Variants in SHROOM4 observed in about 807,000 individuals in gnomAD.
SHROOM4 encodes the protein shroom family member 4.
A neutral mutation model predicts 80.3 loss-of-function variants in SHROOM4; 17 were observed. The observed-to-expected ratio is 0.21, with a 90% CI of 0.14 to 0.32. The LOEUF (loss-of-function observed/expected upper bound fraction) is 0.32, where lower values mean the gene tolerates loss of function less well. Among genes scored for constraint, SHROOM4 ranks in the 10% least tolerant of loss-of-function variants. SHROOM4 has a pLI of 1.00. For missense variants in SHROOM4, 993 were observed against 1,140.3 expected (o/e 0.87, Z 1.86); for synonymous variants, 400 against 437.5 (o/e 0.91, Z 1.07).
chrX:50,721,439 A>G (rs978909042), intron 1 of SHROOM4, among the ~76,000 whole-genome samples: 1 of 112,199 alleles, frequency 8.9e-6, no homozygotes, highest in Non-Finnish European at 1.9e-5. Flanking sequence ...ATACAGGATA[A>G]TGTCCTGATG....
intron 1 of SHROOM4, among the ~76,000 whole-genome samples, chrX:50,729,320 GAGAC>G (rs1286330865): frequency 9.0e-6 from 1 of 111,373 alleles, no homozygotes; most frequent in Non-Finnish European, 1.9e-5. Flanking sequence ...AATAGAAAAA[GAGAC>G]AGAAATTATA....
chrX:50,673,033 G>A (rs928555327), intron 2 of SHROOM4, among the ~76,000 whole-genome samples: 21 of 111,224 alleles, frequency 1.9e-4, no homozygotes, highest in African/African-American at 6.2e-4. Context: ...TTAAAAGTAC[G>A]GCTAAAGGAA....
intron 7 of SHROOM4, 121 bp downstream of exon 7, chrX:50,602,512 T>C: frequency 2.8e-6 from 2 of 704,684 alleles, no homozygotes; most frequent in Non-Finnish European, 4.5e-6. Context: ...AGAGGCTGTA[T>C]GGTTTCCATA....
In SHROOM4 at chrX:50,589,042, C is replaced by T. The variant is rs1038584568; in HGVS notation, c.*7653G>A. ...TTGCCCCTCCTTCCCAATAGTAGTC[C>T]CTCCCATCTCTCTTATTTTTGCTGA... On this transcript the variant is annotated 3_prime_UTR_variant, in exon 9 of 9. Transcript: ENST00000376020. Among the ~76,000 whole-genome samples the T allele has an allele frequency of 1.8e-5, 2 of 111,589 alleles. No individual in the cohort carries two copies. The highest frequency in any genetic ancestry group is 3.8e-5 in the Non-Finnish European group (2 of 53,098).
At chrX:50,727,003 C>A (rs1934255600) in intron 1 of SHROOM4, among the ~76,000 whole-genome samples, 1 of 113,155 alleles carries the variant, frequency 8.8e-6, no homozygotes, top group African/African-American at 3.2e-5. Context: ...GGGGGCTGTA[C>A]CCTACAGAGC....
At chrX:50,654,702 C>A (rs782288551) in intron 2 of SHROOM4, among the ~76,000 whole-genome samples, 1 of 110,197 alleles carries the variant, frequency 9.1e-6, no homozygotes, top group Non-Finnish European at 1.9e-5. Flanking sequence ...TCCTGCCCCA[C>A]CCGCCCCATT....
Position 50,695,836 on chromosome X carries a change from G to A in SHROOM4, c.219C>T (p.Ala73=), listed in dbSNP as rs782404507. 8.3e-7 allele frequency: 1 copy of A among 1,209,343 alleles called. No homozygotes were observed. The highest frequency in any genetic ancestry group is 1.7e-5 in the African/African-American group (1 of 57,159). ...GGAAGGAGCCTTTGATGAGAATGAG[G>A]GCCTCTTGGCGGGAGCCATATAATG... The part of the protein sequence containing the change: ...GTPLYGSRQE[A]LILIKGSFRI... Residue 73 remains alanine (A), a synonymous_variant, in exon 2 of 9, where the codon GCC becomes GCT. Transcript: ENST00000376020.
chrX:50,630,893 T>G (rs1314106401), intron 4 of SHROOM4, among the ~76,000 whole-genome samples: 1 of 111,945 alleles, frequency 8.9e-6, no homozygotes, highest in Non-Finnish European at 1.9e-5. Flanking sequence ...GAAATTGAAT[T>G]TGTAGTTAAA....
At chrX:50,723,772 C>T (rs1557265680) in intron 1 of SHROOM4, among the ~76,000 whole-genome samples, 1 of 111,215 alleles carries the variant, frequency 9.0e-6, no homozygotes. Context: ...GGGCCTGTAT[C>T]CCTTCCCTCC....
At chrX:50,654,533 A>G (rs782312568) in intron 2 of SHROOM4, among the ~76,000 whole-genome samples, 30 of 110,895 alleles carry the variant, frequency 2.7e-4, no homozygotes, top group Non-Finnish European at 5.6e-4. Flanking sequence ...TCAAATACTT[A>G]TCATTTTTTG....
At chrX:50,652,064 G>A (rs911259813) in intron 2 of SHROOM4, among the ~76,000 whole-genome samples, 1 of 111,940 alleles carries the variant, frequency 8.9e-6, no homozygotes, top group South Asian at 3.8e-4. Context: ...TGTCTTTACA[G>A]TAGAGTGACT....
At chrX:50,631,799 T>C (rs1313483944) in intron 4 of SHROOM4, among the ~76,000 whole-genome samples, 2 of 111,629 alleles carry the variant, frequency 1.8e-5, no homozygotes, top group African/African-American at 3.3e-5. Context: ...TAGGGACAAA[T>C]ATCCCTGGTG....
At chrX:50,645,304 G>C (rs1253758003) in intron 2 of SHROOM4, among the ~76,000 whole-genome samples, 1 of 111,974 alleles carries the variant, frequency 8.9e-6, no homozygotes, top group Non-Finnish European at 1.9e-5. Context: ...TCATTCCTCA[G>C]GCCTGGGTGT....
chrX:50,753,953 T>C (rs782697437), intron 1 of SHROOM4, among the ~76,000 whole-genome samples: 3 of 111,962 alleles, frequency 2.7e-5, no homozygotes, highest in African/African-American at 9.7e-5. Context: ...TGGGGCTAAT[T>C]GTCTATTTCA....
intron 1 of SHROOM4, among the ~76,000 whole-genome samples, chrX:50,761,130 A>C (rs1935147640): frequency 9.0e-6 from 1 of 111,202 alleles, no homozygotes; most frequent in Admixed American, 9.6e-5. Flanking sequence ...AGATTATTTC[A>C]TTACTCAGGT....
intron 1 of SHROOM4, among the ~76,000 whole-genome samples, chrX:50,813,387 G>C (rs1278610791): frequency 1.8e-5 from 2 of 111,898 alleles, no homozygotes; most frequent in Non-Finnish European, 3.8e-5. Context: ...AAGTGTGGCT[G>C]GCAAAAGCCA....
intron 1 of SHROOM4, among the ~76,000 whole-genome samples, chrX:50,719,260 C>G (rs1557265221): frequency 3.6e-5 from 4 of 111,622 alleles, no homozygotes. Flanking sequence ...AGTGACTCTA[C>G]GACTAAGATG....
intron 2 of SHROOM4, among the ~76,000 whole-genome samples, chrX:50,657,805 A>G (rs148342915): frequency 0.017 from 1,864 of 111,744 alleles, 18 homozygotes; most frequent in Non-Finnish European, 0.028. Flanking sequence ...AACACTTAAA[A>G]ATCAACTTTT....
intron 2 of SHROOM4, among the ~76,000 whole-genome samples, chrX:50,653,597 A>C (rs1932197939): frequency 9.0e-6 from 1 of 111,385 alleles, no homozygotes; most frequent in Non-Finnish European, 1.9e-5. Flanking sequence ...AACTTCCAAT[A>C]CTATGTTGAA....
Sources: allele counts gnomAD v4.1 joint callset (sites outside exome capture counted in the v4.1 genomes callset), GRCh38; gene constraint gnomAD v4.1.1; transcripts MANE v1.5; gene names NCBI Gene and HGNC (gene_info 2026-07-23, HGNC 2026-07-21).